The following UBTD2 variants were observed in gnomAD, a reference collection of about 807,000 sequenced individuals.
The protein encoded by UBTD2 is ubiquitin domain containing 2, also known as ubiquitin domain-containing protein 2.
Under a neutral mutation model 19.8 loss-of-function variants are expected in UBTD2, and 9 were observed. The ratio of observed to expected loss-of-function variants is 0.46; its 90% CI spans 0.27 to 0.79. The LOEUF is 0.79. Ranked by LOEUF, UBTD2 falls within the 30% of genes least tolerant of loss-of-function variation. The probability of loss-of-function intolerance (pLI) is 0.14; values close to 1 mark genes in which losing one functional copy is unlikely to be tolerated. For missense variants in UBTD2, 250 were observed against 300.4 expected (o/e 0.83, Z 1.24); for synonymous variants, 98 against 103.9 (o/e 0.94, Z 0.35).
At position 172,241,836 on chromosome 5, in the gene UBTD2, C is replaced by A. The variant is rs1405639687; in HGVS notation, c.71-7478G>T. Among the ~76,000 whole-genome samples the A allele has an allele frequency of 1.3e-5, 2 of 152,104 alleles. 1 individual carries two copies. The highest frequency in any genetic ancestry group is 4.1e-4 in the South Asian group (2 of 4,824). ...TTGAAACCAGCCAGCCTGGCCAACA[C>A]GGCGAAACCTCATCTCTACAAAAAA... On this transcript the variant is annotated intron_variant, in intron 1 of 2. Transcript: ENST00000393792.
chr5:172,250,666 T>C (rs1754983516), intron 1 of UBTD2, among the ~76,000 whole-genome samples: 1 of 152,070 alleles, frequency 6.6e-6, no homozygotes, highest in Non-Finnish European at 1.5e-5. Context: ...CAGTAGATAT[T>C]AGCATTATGT....
intron 1 of UBTD2, among the ~76,000 whole-genome samples, chr5:172,273,590 C>CAAAAAAAAAAAAAAAA (rs35687001): frequency 8.2e-5 from 3 of 36,400 alleles, no homozygotes; most frequent in Non-Finnish European, 1.6e-4. Context: ...GACTCCGTCT[C>CAAAAAAAAAAAAAAAA]AAAAAAAAAA....
chr5:172,212,266 A>T, intron 2 of UBTD2, 39 bp from the exon 3 acceptor site: 1 of 1,537,852 alleles, frequency 6.5e-7, no homozygotes. Flanking sequence ...CTTAATCCTT[A>T]ATGAATGCAT....
chr5:172,233,423 C>T (rs1771943997), intron 2 of UBTD2, among the ~76,000 whole-genome samples: 1 of 135,184 alleles, frequency 7.4e-6, no homozygotes, highest in African/African-American at 2.8e-5. Context: ...CTCAATGTAG[C>T]ATGAAAAATT....
intron 1 of UBTD2, among the ~76,000 whole-genome samples, chr5:172,280,396 G>A (rs6878027): frequency 0.075 from 11,332 of 151,282 alleles, 574 homozygotes; most frequent in Middle Eastern, 0.12. Context: ...CGTAATCCCA[G>A]CTACTCTGGA....
chr5:172,257,789 A>G (rs11957832), intron 1 of UBTD2, among the ~76,000 whole-genome samples: 3,378 of 152,200 alleles, frequency 0.022, 104 homozygotes, highest in African/African-American at 0.077. Flanking sequence ...TTTTTCACAT[A>G]CTTGTTAGCC....
chr5:172,249,054 TA>T, intron 1 of UBTD2, among the ~76,000 whole-genome samples: 1 of 151,886 alleles, frequency 6.6e-6, no homozygotes. Flanking sequence ...CACAAATAAC[TA>T]AAATTAGAAA....
chr5:172,249,274 C>G (rs1218546167), intron 1 of UBTD2, among the ~76,000 whole-genome samples: 1 of 151,590 alleles, frequency 6.6e-6, no homozygotes, highest in Non-Finnish European at 1.5e-5. Flanking sequence ...TGGCATGTGC[C>G]TGTAATCCCA....
chr5:172,233,550 A>G (rs1466340263), intron 2 of UBTD2, among the ~76,000 whole-genome samples: 3 of 152,170 alleles, frequency 2.0e-5, no homozygotes, highest in Non-Finnish European at 4.4e-5. Context: ...CCTACGCAAA[A>G]GAGAGAAGTT....
At chr5:172,234,030 A>G in intron 2 of UBTD2, 92 bp downstream of exon 2, 1 of 1,325,200 alleles carries the variant, frequency 7.5e-7, no homozygotes, top group Non-Finnish European at 1.1e-6. Flanking sequence ...AGAATAATTC[A>G]TAGCAAGGAA....
At chr5:172,275,052 C>T (rs913565565) in intron 1 of UBTD2, among the ~76,000 whole-genome samples, 1 of 152,144 alleles carries the variant, frequency 6.6e-6, no homozygotes, top group African/African-American at 2.4e-5. Flanking sequence ...AAAGAACTGC[C>T]TGAGACTAGG....
In UBTD2 at chr5:172,234,137, T is replaced by C. The variant is rs1581216628; in HGVS notation, c.292A>G (p.Ile98Val). The C allele has an allele frequency of 1.9e-6, 3 of 1,614,162 alleles. No individual in the cohort carries two copies. Among genetic ancestry groups the C allele is most frequent in the Non-Finnish European group, 2.5e-6 (3 of 1,180,008 alleles). Reference sequence around the variant, plus strand: ...CCAAACCTACCATGTGGTAATGTTATGTTTGCACCATCAATGATTGCTTGT... The same window carrying C: ...CCAAACCTACCATGTGGTAATGTTACGTTTGCACCATCAATGATTGCTTGT... The part of the protein sequence containing the change: ...LAQAIIDGAN[I>V]TLPHGALTEC... Residue 98 changes from isoleucine to valine, a missense_variant, in exon 2 of 3, where the codon ATA (isoleucine) becomes GTA (valine). Coordinates refer to ENST00000393792, the MANE Select transcript of UBTD2 (RefSeq NM_152277.3).
chr5:172,214,130 G>A (rs556659367), intron 2 of UBTD2, among the ~76,000 whole-genome samples: 4 of 152,276 alleles, frequency 2.6e-5, no homozygotes, highest in South Asian at 4.1e-4. Flanking sequence ...GTAACATATC[G>A]TTTCCCCAAA....
intron 1 of UBTD2, among the ~76,000 whole-genome samples, chr5:172,236,599 G>A (rs1220991742): frequency 1.3e-5 from 2 of 152,212 alleles, no homozygotes; most frequent in African/African-American, 4.8e-5. Flanking sequence ...TCATTTAGAT[G>A]AGTTAGAGAC....
intron 2 of UBTD2, among the ~76,000 whole-genome samples, chr5:172,223,414 C>T (rs1016180251): frequency 2.0e-5 from 3 of 151,634 alleles, no homozygotes; most frequent in Non-Finnish European, 2.9e-5. Context: ...ACCAGCCTAA[C>T]ATGGTGAAAT....
intron 2 of UBTD2, among the ~76,000 whole-genome samples, chr5:172,226,687 T>G (rs565129180): frequency 1.8e-4 from 27 of 152,294 alleles, no homozygotes; most frequent in African/African-American, 6.3e-4. Context: ...TTATCTTCCA[T>G]CCAGATATTA....
chr5:172,256,180 C>T (rs1396029226), intron 1 of UBTD2, among the ~76,000 whole-genome samples: 1 of 152,118 alleles, frequency 6.6e-6, no homozygotes, highest in Non-Finnish European at 1.5e-5. Context: ...CTAACAATGA[C>T]ATTCCTGTTA....
chr5:172,238,041 T>C (rs983951751), intron 1 of UBTD2, among the ~76,000 whole-genome samples: 2 of 152,242 alleles, frequency 1.3e-5, no homozygotes, highest in South Asian at 2.1e-4. Context: ...GCCACAAACC[T>C]GTATTTCTGA....
chr5:172,261,125 C>T (rs561219617), intron 1 of UBTD2, among the ~76,000 whole-genome samples: 16 of 152,290 alleles, frequency 1.1e-4, no homozygotes, highest in East Asian at 1.9e-4. Flanking sequence ...GGTTCCCCCT[C>T]CCCCGCTTCT....
Sources: allele counts gnomAD v4.1 joint callset (sites outside exome capture counted in the v4.1 genomes callset), GRCh38; gene constraint gnomAD v4.1.1; transcripts MANE v1.5; gene names NCBI Gene and HGNC (gene_info 2026-07-23, HGNC 2026-07-21).